Variants in ZP4 observed in about 807,000 individuals in gnomAD.
ZP4 encodes zona pellucida sperm-binding protein 4.
In ZP4, 62 loss-of-function variants were observed where a neutral mutation model predicts 62.3. The ratio of observed to expected loss-of-function variants is 0.99; its 90% CI spans 0.81 to 1.23. The LOEUF is 1.23. ZP4 is among the 50% of genes most tolerant of loss of function. The pLI is 0.00. For synonymous variants in ZP4, 289 were observed against 247.3 expected (o/e 1.17, Z -1.58); for missense variants, 774 against 656.0 (o/e 1.18, Z -1.97).
intron 4 of ZP4, 59 bp from the exon 5 acceptor site, chr1:237,887,620 A>G (rs1029270434): frequency 2.4e-5 from 37 of 1,538,744 alleles, no homozygotes; most frequent in South Asian, 2.3e-4. Flanking sequence ...GGAGAACCAG[A>G]TGAAAGTCTA....
Position 237,886,904 on chromosome 1 carries a change from G to C in ZP4, c.742-36C>G, listed in dbSNP as rs759214131. 12 of 1,575,408 alleles carry C rather than the reference G, an allele frequency of 7.6e-6. No homozygotes were observed. The Admixed American group carries it at 1.7e-4, about 22-fold the overall frequency. On this transcript the variant is annotated intron_variant, in intron 5 of 11. Coordinates refer to ENST00000366570, the MANE Select transcript of ZP4 (RefSeq NM_021186.5). ...AGATGGAGAAGTCTTGATCATTTCT[G>C]TTAGTGTTATGCTGCTTGACTTGCA...
Position 237,885,844 on chromosome 1 carries a change from G to A in ZP4, c.882C>T (p.Leu294=). 6 of 1,613,234 alleles carry A rather than the reference G, an allele frequency of 3.7e-6. No individual in the cohort carries two copies. The highest frequency in any genetic ancestry group is 5.1e-6 in the Non-Finnish European group (6 of 1,179,136). The change falls in exon 7 of 12, where the codon CTC becomes CTT. Residue 294 remains leucine, a synonymous_variant. Transcript: ENST00000366570. ...SCSYSVSSNS[L]PINVQVFTLP... is the part of the protein sequence containing the mutation. ...GAGTGAAAACCTGGACATTGATTGG[G>A]AGAGAGTTGCTACTTACTGAGTAGC...
In ZP4 at chr1:237,890,455, A is replaced by T; in HGVS notation, c.175+6T>A. On this transcript the variant is annotated splice_donor_region_variant and intron_variant, in intron 1 of 11. Coordinates refer to ENST00000366570, the MANE Select transcript of ZP4 (RefSeq NM_021186.5). ...TTGGCTAAGCAAGGCAAGTCATCAA[A>T]CTTACCCCAAGCTATTAGTACAGGA... 1.2e-6 allele frequency: 2 copies of T among 1,605,454 alleles called. No individual in the cohort carries two copies. The highest frequency in any genetic ancestry group is 1.7e-6 in the Non-Finnish European group (2 of 1,176,480).
At chr1:237,884,377 G>T (rs1665045009) in intron 10 of ZP4, among the ~76,000 whole-genome samples, 3 of 152,128 alleles carry the variant, frequency 2.0e-5, no homozygotes, top group African/African-American at 2.4e-5. Context: ...CAACGAACTA[G>T]AGACCACATT....
chr1:237,884,552 A>C (rs931631342), intron 10 of ZP4, among the ~76,000 whole-genome samples: 45 of 152,176 alleles, frequency 3.0e-4, no homozygotes, highest in African/African-American at 9.9e-4. Context: ...TATATGGAAA[A>C]AGCTAAGGTT....
chr1:237,884,043 A>AAACAC (rs1558531261), intron 10 of ZP4, among the ~76,000 whole-genome samples: 3 of 104,822 alleles, frequency 2.9e-5, no homozygotes, highest in African/African-American at 1.7e-4. Context: ...AACACACACA[A>AAACAC]ACACACACAA....
intron 10 of ZP4, among the ~76,000 whole-genome samples, chr1:237,883,992 AC>A (rs1558530807): frequency 3.6e-3 from 192 of 53,558 alleles, no homozygotes; most frequent in Non-Finnish European, 5.2e-3. Context: ...AAACACACAC[AC>A]ACACACACAC....
At chr1:237,882,695 T>G (rs2275694) in intron 11 of ZP4, 47 bp downstream of exon 11, 1 of 1,600,032 alleles carries the variant, frequency 6.2e-7, no homozygotes, top group African/African-American at 1.3e-5. Context: ...TTGCTTTGAT[T>G]AGTAATTTAG....
intron 3 of ZP4, among the ~76,000 whole-genome samples, chr1:237,889,472 C>T (rs984108878): frequency 5.3e-5 from 8 of 152,144 alleles, no homozygotes; most frequent in African/African-American, 1.7e-4. Context: ...GCATGTACCA[C>T]CACACCCGGC....
chr1:237,884,867 A>G lies in ZP4; in HGVS notation c.1312-20T>C, dbSNP rs746710083. 5 of 1,610,366 alleles carry G rather than the reference A, an allele frequency of 3.1e-6. No individual in the cohort carries two copies. The Admixed American group carries it at 6.7e-5, about 22-fold the overall frequency. On this transcript the variant is annotated intron_variant, in intron 9 of 11. Transcript: ENST00000366570. ...ATGCACCTGGGAGCCAACAGAATTCAGGTCATTTGTAGTATCACCATGCCA... is the reference window on the plus strand; with the variant it reads ...ATGCACCTGGGAGCCAACAGAATTCGGGTCATTTGTAGTATCACCATGCCA...
intron 10 of ZP4, among the ~76,000 whole-genome samples, chr1:237,883,241 C>A (rs1664956957): frequency 6.6e-6 from 1 of 152,108 alleles, no homozygotes; most frequent in African/African-American, 2.4e-5. Flanking sequence ...AAACAAATTT[C>A]ATTCACTTGA....
intron 10 of ZP4, among the ~76,000 whole-genome samples, chr1:237,884,007 C>CAAACACACAA (rs1331883262): frequency 2.2e-5 from 2 of 92,604 alleles, no homozygotes; most frequent in African/African-American, 4.3e-5. Flanking sequence ...CACACACACA[C>CAAACACACAA]ACACACACAA....
intron 10 of ZP4, among the ~76,000 whole-genome samples, chr1:237,884,053 A>ACAAAC (rs1204007300): frequency 2.4e-5 from 3 of 124,338 alleles, no homozygotes; most frequent in African/African-American, 1.3e-4. Flanking sequence ...AACACACACA[A>ACAAAC]ACACACACAA....
At position 237,884,818 on chromosome 1, in the gene ZP4, G is replaced by C. The variant is rs1326024781; in HGVS notation, c.1341C>G (p.Cys447Trp). Residue 447 changes from cysteine (C) to tryptophan (W), a missense_variant, in exon 10 of 12, where the codon TGC becomes TGG. Coordinates refer to ENST00000366570, the MANE Select transcript of ZP4 (RefSeq NM_021186.5). ...CACAGGATGGTGTCTCAGCAGGCTGGCAGACTGACACGCTGCAGTGCAGAT... is the reference window on the plus strand; with the variant it reads ...CACAGGATGGTGTCTCAGCAGGCTGCCAGACTGACACGCTGCAGTGCAGAT... ...PVHLHCSVSVCQPAETPSCVV... is the reference protein window; with the variant it reads ...PVHLHCSVSVWQPAETPSCVV... 6.2e-7 allele frequency: 1 copy of C among 1,613,558 alleles called. No homozygotes were observed. Among genetic ancestry groups the C allele is most frequent in the South Asian group, 1.1e-5 (1 of 90,854 alleles).
chr1:237,890,261 A>T, intron 1 of ZP4, 85 bp from the exon 2 acceptor site: 1 of 1,594,800 alleles, frequency 6.3e-7, no homozygotes, highest in South Asian at 1.1e-5. Context: ...TTAGACCCCA[A>T]GGAGCAACTG....
chr1:237,887,719 C>T (rs545842725), intron 4 of ZP4, among the ~76,000 whole-genome samples, 158 bp from the exon 5 acceptor site: 1 of 152,296 alleles, frequency 6.6e-6, no homozygotes, highest in African/African-American at 2.4e-5. Context: ...CACAGTTTAA[C>T]CCAGGCTCTA....
chr1:237,890,585 CACA>C lies in ZP4; in HGVS notation c.48_50del (p.Val17del). The C allele has an allele frequency of 1.2e-5, 20 of 1,614,132 alleles. No individual in the cohort carries two copies. The highest frequency in any genetic ancestry group is 1.7e-5 in the Non-Finnish European group (20 of 1,180,020). ...GTGCCTCAGGCTTATGCTGGCCACT[CACA>C]GCAAGAGATAATGAAACACACAGCA... On this transcript the variant is annotated inframe_deletion, in exon 1 of 12. Coordinates refer to ENST00000366570, the MANE Select transcript of ZP4 (RefSeq NM_021186.5).
Position 237,882,562 on chromosome 1 carries a change from T to A in ZP4, c.1496-13A>T. ...TCTACAGGAACACCTGGAGGATGGA[T>A]GGAAAGGTAGGTTAATGTATGCTAA... On this transcript the variant is annotated splice_polypyrimidine_tract_variant and intron_variant, in intron 11 of 11. Coordinates refer to ENST00000366570, the MANE Select transcript of ZP4 (RefSeq NM_021186.5). 1 of 1,589,738 alleles carries A rather than the reference T, an allele frequency of 6.3e-7. No individual in the cohort carries two copies. Among genetic ancestry groups the A allele is most frequent in the Non-Finnish European group, 8.5e-7 (1 of 1,170,998 alleles).
chr1:237,888,900 G>T (rs1665172086), intron 3 of ZP4, among the ~76,000 whole-genome samples: 1 of 152,204 alleles, frequency 6.6e-6, no homozygotes, highest in Non-Finnish European at 1.5e-5. Flanking sequence ...CAGAACTGGG[G>T]TGGGGCCTAT....
Sources: allele counts gnomAD v4.1 joint callset (sites outside exome capture counted in the v4.1 genomes callset), GRCh38; gene constraint gnomAD v4.1.1; transcripts MANE v1.5; gene names NCBI Gene and HGNC (gene_info 2026-07-23, HGNC 2026-07-21).